PTPRD: variants seen among roughly 807,000 people sequenced by gnomAD.
PTPRD encodes the protein protein tyrosine phosphatase receptor type D.
In PTPRD, 34 loss-of-function variants were observed where a neutral mutation model predicts 214.5. The ratio of observed to expected loss-of-function variants is 0.16; its 90% CI spans 0.12 to 0.21. PTPRD has a LOEUF of 0.21. Ranked by LOEUF, PTPRD falls within the 10% of genes least tolerant of loss-of-function variation. PTPRD has a pLI of 1.00. For synonymous variants in PTPRD, 1,128 were observed against 845.7 expected (o/e 1.33, Z -5.79); for missense variants, 2,545 against 2,398.7 (o/e 1.06, Z -1.27).
intron 10 of PTPRD, among the ~76,000 whole-genome samples, chr9:9,102,351 T>G (rs1489991276): frequency 2.0e-5 from 3 of 152,156 alleles, no homozygotes; most frequent in Admixed American, 1.3e-4. Context: ...AGTGCCTGAG[T>G]AGGGGTGATG....
rs869076374 is a variant in PTPRD at position 9,328,618 on chromosome 9, C to CTTTTTTTTTTTTTTTTTTT, written c.-203+68812_-203+68830dup. On this transcript the variant is annotated intron_variant, in intron 9 of 45. Transcript: ENST00000381196. ...ACATTTTCTTTTGTTGTTGTTCTTG[C>CTTTTTTTTTTTTTTTTTTT]TTTTTTTTTTTTTTTTTTTTTTTTT... 8.1e-4 allele frequency among the ~76,000 whole-genome samples: 23 copies of CTTTTTTTTTTTTTTTTTTT among 28,228 alleles called. 6 individuals carry two copies. The highest frequency in any genetic ancestry group is 1.5e-3 in the African/African-American group (12 of 7,926). The allele number at this position is 28,228 out of a possible 152,430, so 18.5% of individuals were successfully genotyped here.
intron 11 of PTPRD, among the ~76,000 whole-genome samples, chr9:8,875,991 A>T (rs10739175): frequency 0.99 from 150,107 of 152,368 alleles, 73,972 homozygotes; most frequent in Middle Eastern, 1. Flanking sequence ...TATGCCTGGA[A>T]TTCTTACAAC....
intron 3 of PTPRD, among the ~76,000 whole-genome samples, chr9:10,207,733 T>C: frequency 6.6e-6 from 1 of 151,782 alleles, no homozygotes; most frequent in East Asian, 1.9e-4. Context: ...ATTATATATA[T>C]ATTTAATAAT....
At chr9:10,189,639 C>T (rs2099353721) in intron 3 of PTPRD, among the ~76,000 whole-genome samples, 1 of 152,020 alleles carries the variant, frequency 6.6e-6, no homozygotes, top group African/African-American at 2.4e-5. Context: ...AACAGGAATC[C>T]TGCCCTCACA....
intron 3 of PTPRD, among the ~76,000 whole-genome samples, chr9:10,294,346 A>G (rs1056947705): frequency 5.3e-5 from 8 of 151,958 alleles, no homozygotes; most frequent in African/African-American, 1.9e-4. Flanking sequence ...TAATTTGGAA[A>G]AGGCAAAAAG....
chr9:9,905,021 T>C (rs555154300), intron 5 of PTPRD, among the ~76,000 whole-genome samples: 1 of 152,042 alleles, frequency 6.6e-6, no homozygotes, highest in Non-Finnish European at 1.5e-5. Context: ...CAGTGAGGCA[T>C]ATATTATCAG....
chr9:8,516,666 AAT>A (rs1268779720), intron 21 of PTPRD, among the ~76,000 whole-genome samples: 1 of 152,142 alleles, frequency 6.6e-6, no homozygotes, highest in Non-Finnish European at 1.5e-5. Flanking sequence ...TGTCTCCAAT[AAT>A]ATGATTATTA....
intron 11 of PTPRD, among the ~76,000 whole-genome samples, chr9:8,902,945 T>C (rs1344825183): frequency 6.6e-6 from 1 of 152,266 alleles, no homozygotes; most frequent in East Asian, 1.9e-4. Context: ...GTTTGTTTTG[T>C]TGTTTAGTGA....
chr9:8,637,743 T>C (rs917845585), intron 12 of PTPRD, among the ~76,000 whole-genome samples: 1 of 152,228 alleles, frequency 6.6e-6, no homozygotes, highest in African/African-American at 2.4e-5. Flanking sequence ...GTATAAGTAG[T>C]TGAAACATTA....
At chr9:8,650,796 G>C (rs1268538785) in intron 12 of PTPRD, among the ~76,000 whole-genome samples, 2 of 151,690 alleles carry the variant, frequency 1.3e-5, no homozygotes, top group South Asian at 2.1e-4. Flanking sequence ...TTTAAAGTAA[G>C]TATAATTATT....
chr9:8,470,588 C>G (rs893976145), intron 31 of PTPRD, among the ~76,000 whole-genome samples: 2 of 152,222 alleles, frequency 1.3e-5, no homozygotes, highest in Admixed American at 1.3e-4. Context: ...CAAATGAACT[C>G]TGCTGCAAAT....
chr9:8,878,525 T>C (rs1978742), intron 11 of PTPRD, among the ~76,000 whole-genome samples: 2 of 147,694 alleles, frequency 1.4e-5, no homozygotes, highest in African/African-American at 5.0e-5. Flanking sequence ...CTTTCTTTTC[T>C]TTTTTTTTTG....
intron 11 of PTPRD, among the ~76,000 whole-genome samples, chr9:8,906,789 T>A (rs1463140557): frequency 6.6e-6 from 1 of 151,978 alleles, no homozygotes; most frequent in Non-Finnish European, 1.5e-5. Flanking sequence ...CGGCAGACTA[T>A]ATGACTATCC....
chr9:9,258,152 A>G (rs1594705816), intron 9 of PTPRD, among the ~76,000 whole-genome samples: 1 of 152,020 alleles, frequency 6.6e-6, no homozygotes, highest in South Asian at 2.1e-4. Flanking sequence ...GATAAACAGA[A>G]CTGCCATAAA....
At chr9:10,030,826 T>A (rs2097050538) in intron 4 of PTPRD, among the ~76,000 whole-genome samples, 1 of 152,212 alleles carries the variant, frequency 6.6e-6, no homozygotes, top group African/African-American at 2.4e-5. Flanking sequence ...ATCTTCACCT[T>A]CGGACTCTAT....
intron 8 of PTPRD, among the ~76,000 whole-genome samples, chr9:9,531,899 A>G (rs1360528): frequency 0.18 from 27,305 of 151,946 alleles, 2,701 homozygotes; most frequent in Middle Eastern, 0.22. Context: ...AAGTATAGAT[A>G]CATGTAGATA....
chr9:8,884,277 G>C (rs2098468866), intron 11 of PTPRD, among the ~76,000 whole-genome samples: 1 of 152,178 alleles, frequency 6.6e-6, no homozygotes, highest in Non-Finnish European at 1.5e-5. Flanking sequence ...GGTGAGTCCT[G>C]AGTTGCAAGA....
intron 12 of PTPRD, among the ~76,000 whole-genome samples, chr9:8,661,955 C>T (rs1254984441): frequency 6.6e-6 from 1 of 152,174 alleles, no homozygotes; most frequent in Non-Finnish European, 1.5e-5. Context: ...TTCATTCACT[C>T]ATTCATTCTA....
chr9:9,047,885 C>A (rs1473135403), intron 10 of PTPRD, among the ~76,000 whole-genome samples: 2 of 152,030 alleles, frequency 1.3e-5, no homozygotes, highest in Non-Finnish European at 2.9e-5. Flanking sequence ...CAAATTGGAT[C>A]ACCTCAGGTT....
Sources: allele counts gnomAD v4.1 joint callset (sites outside exome capture counted in the v4.1 genomes callset), GRCh38; gene constraint gnomAD v4.1.1; transcripts MANE v1.5; gene names NCBI Gene and HGNC (gene_info 2026-07-23, HGNC 2026-07-21).